Variants in PPP6R2 observed in about 807,000 individuals in gnomAD.
PPP6R2 encodes protein phosphatase 6 regulatory subunit 2, also known as serine/threonine-protein phosphatase 6 regulatory subunit 2.
PPP6R2 carries 62 observed loss-of-function variants against 100.2 expected under a neutral mutation model. The ratio of observed to expected loss-of-function variants is 0.62; its 90% confidence interval spans 0.50 to 0.76. PPP6R2 has a LOEUF of 0.76. PPP6R2 is among the 30% of genes least tolerant of loss of function. PPP6R2 has a pLI of 0.00. For missense variants in PPP6R2, 1,142 were observed against 1,276.3 expected (o/e 0.89, Z 1.60); for synonymous variants, 525 against 514.7 (o/e 1.02, Z -0.27).
chr22:50,433,196 ATTTG>A (rs2063502204), intron 12 of PPP6R2, among the ~76,000 whole-genome samples: 3 of 149,804 alleles, frequency 2.0e-5, no homozygotes, highest in African/African-American at 7.4e-5. Context: ...GGGGCCGGGC[ATTTG>A]CTCTGGAGGT....
chr22:50,428,639 TC>T (rs1008613155), intron 10 of PPP6R2, among the ~76,000 whole-genome samples: 2 of 152,030 alleles, frequency 1.3e-5, no homozygotes, highest in African/African-American at 4.8e-5. Flanking sequence ...ATCACTTGAG[TC>T]TGGGAGGTCA....
chr22:50,370,814 AG>A (rs1370573182), intron 1 of PPP6R2, among the ~76,000 whole-genome samples: 1 of 151,184 alleles, frequency 6.6e-6, no homozygotes, highest in African/African-American at 2.4e-5. Flanking sequence ...TTGTATTTTT[AG>A]TAGAGACGGG....
At chr22:50,399,123 T>G (rs1463107725) in intron 3 of PPP6R2, among the ~76,000 whole-genome samples, 2 of 152,112 alleles carry the variant, frequency 1.3e-5, no homozygotes, top group Non-Finnish European at 2.9e-5. Flanking sequence ...GGCCGGTGCC[T>G]GTAGTCCCAG....
chr22:50,437,708 C>G (rs752053259), intron 16 of PPP6R2, 105 bp downstream of exon 16: 1 of 1,388,872 alleles, frequency 7.2e-7, no homozygotes, highest in Non-Finnish European at 1.0e-6. Flanking sequence ...CGTCTGATGT[C>G]CCCGGGAGAC....
chr22:50,443,627 TGGA>T (rs1486189850), intron 22 of PPP6R2: 5 of 578,424 alleles, frequency 8.6e-6, no homozygotes, highest in Non-Finnish European at 1.2e-5. Flanking sequence ...GAGTGCTGCC[TGGA>T]GGAGGTTTGA....
chr22:50,369,155 T>C (rs2049410949), intron 1 of PPP6R2, among the ~76,000 whole-genome samples: 1 of 151,798 alleles, frequency 6.6e-6, no homozygotes, highest in Admixed American at 6.6e-5. Flanking sequence ...GGAGAATCGC[T>C]TGAACCTAGG....
In PPP6R2 at chr22:50,387,808, C is replaced by T. The variant is rs115522828; in HGVS notation, c.-16-6085C>T. Among the ~76,000 whole-genome samples, 1,398 of 152,262 alleles carry T rather than the reference C, an allele frequency of 9.2e-3. 30 individuals are homozygous for T. Among genetic ancestry groups the T allele is most frequent in the African/African-American group, 0.031 (1,301 of 41,546 alleles). ...GGCACAGTGACTTTATCTCTGTTTC[C>T]GTCTCTTTACGCTGAGGGTCTTTGA... On this transcript the variant is annotated intron_variant, in intron 2 of 23. Transcript: ENST00000612753.
intron 10 of PPP6R2, among the ~76,000 whole-genome samples, chr22:50,427,880 G>T (rs889719592): frequency 6.6e-6 from 1 of 152,126 alleles, no homozygotes; most frequent in African/African-American, 2.4e-5. Flanking sequence ...GCTACCTCGC[G>T]TGGCTAATTT....
chr22:50,377,145 A>G (rs147410128), intron 2 of PPP6R2, among the ~76,000 whole-genome samples: 112 of 152,362 alleles, frequency 7.4e-4, no homozygotes, highest in African/African-American at 2.6e-3. Context: ...AGAAATAAAG[A>G]ATAAAATATT....
chr22:50,382,812 GA>G (rs1461104127), intron 2 of PPP6R2, among the ~76,000 whole-genome samples: 1 of 150,050 alleles, frequency 6.7e-6, no homozygotes, highest in African/African-American at 2.4e-5. Flanking sequence ...GAGGGTGTGG[GA>G]AAAGGGTGAA....
intron 4 of PPP6R2, among the ~76,000 whole-genome samples, chr22:50,408,187 A>G (rs912176124): frequency 6.6e-6 from 1 of 152,202 alleles, no homozygotes; most frequent in Non-Finnish European, 1.5e-5. Flanking sequence ...ATGCCCAGCT[A>G]TGTATCTCTA....
At chr22:50,417,672 C>T (rs1223877805) in intron 6 of PPP6R2, among the ~76,000 whole-genome samples, 1 of 151,956 alleles carries the variant, frequency 6.6e-6, no homozygotes, top group Non-Finnish European at 1.5e-5. Context: ...GCCACGTTGG[C>T]GTCTGTAGGA....
rs868684868 is a variant in PPP6R2 at position 50,437,051 on chromosome 22, G to A, written c.1666G>A (p.Glu556Lys). 21 of 1,561,344 alleles carry A rather than the reference G, an allele frequency of 1.3e-5. No homozygotes were observed. Among genetic ancestry groups the A allele is most frequent in the Non-Finnish European group, 1.7e-5 (20 of 1,153,208 alleles). The change falls in exon 15 of 24, where the codon GAG (glutamate) becomes AAG (lysine). Residue 556 changes from glutamate to lysine, a missense_variant. By Grantham distance (56) the Glu-to-Lys change is moderately conservative. Coordinates refer to ENST00000612753, the MANE Select transcript of PPP6R2 (RefSeq NM_001242898.2). ...DEDIEGAFPN[E>K]LSLQQAFSDY... ...GGACATTGAGGGTGCTTTCCCTAAC[G>A]AGCTGTCCCTTCAGCAGGTGAGGGC...
intron 1 of PPP6R2, among the ~76,000 whole-genome samples, chr22:50,353,475 A>C (rs192818829): frequency 6.6e-6 from 1 of 152,312 alleles, no homozygotes; most frequent in East Asian, 1.9e-4. Flanking sequence ...AAACAATTAA[A>C]ATAGTAACAT....
chr22:50,427,128 G>C (rs1415430688), intron 10 of PPP6R2, among the ~76,000 whole-genome samples: 1 of 151,014 alleles, frequency 6.6e-6, no homozygotes, highest in East Asian at 2.0e-4. Context: ...GGTGGAGCTT[G>C]CAGTGAGCCG....
intron 3 of PPP6R2, among the ~76,000 whole-genome samples, chr22:50,394,873 C>T (rs913919870): frequency 3.6e-5 from 5 of 138,312 alleles, no homozygotes; most frequent in African/African-American, 1.3e-4. Flanking sequence ...GAGATCACAC[C>T]ACTGCACTGC....
chr22:50,364,837 G>A (rs1056382282), intron 1 of PPP6R2, among the ~76,000 whole-genome samples: 15 of 151,988 alleles, frequency 9.9e-5, no homozygotes, highest in African/African-American at 3.4e-4. Flanking sequence ...TATTGTGTGC[G>A]GGTCCCACTT....
chr22:50,437,083 G>A lies in PPP6R2; in HGVS notation c.1683+15G>A, dbSNP rs779682583. ...CCCTTCAGCAGGTGAGGGCGTGGCC[G>A]GCACCTGCACCCTGCCGGGCCCTTC... On this transcript the variant is annotated intron_variant, in intron 15 of 23. Coordinates refer to ENST00000612753, the MANE Select transcript of PPP6R2 (RefSeq NM_001242898.2). 5.1e-5 allele frequency: 79 copies of A among 1,552,292 alleles called. No individual in the cohort carries two copies. Among genetic ancestry groups the A allele is most frequent in the Middle Eastern group, 2.1e-4 (1 of 4,772 alleles).
chr22:50,422,661 G>T (rs1482893747), intron 9 of PPP6R2, among the ~76,000 whole-genome samples: 1 of 152,184 alleles, frequency 6.6e-6, no homozygotes, highest in Non-Finnish European at 1.5e-5. Flanking sequence ...CCTAGCTAAG[G>T]GGTGCTCGGC....
Sources: gnomAD v4.1 joint callset for allele counts (sites outside exome capture counted in the v4.1 genomes callset) on GRCh38, gnomAD v4.1.1 for gene constraint, MANE v1.5 for transcripts, NCBI Gene and HGNC (gene_info 2026-07-23, HGNC 2026-07-21) for gene names.